Variants in ARMC8 observed in about 807,000 individuals in gnomAD.
The protein encoded by ARMC8 is armadillo repeat-containing protein 8.
Under a neutral mutation model 99.3 loss-of-function variants are expected in ARMC8, and 20 were observed. The observed-to-expected ratio is 0.20, with a 90% CI of 0.14 to 0.29. ARMC8 has a LOEUF of 0.29. Ranked by LOEUF, ARMC8 falls within the 10% of genes least tolerant of loss-of-function variation. The probability of loss-of-function intolerance (pLI) is 1.00; values close to 1 mark genes in which losing one functional copy is unlikely to be tolerated. For missense variants in ARMC8, 569 were observed against 809.5 expected, an observed-to-expected ratio of 0.70 and a Z score of 3.60; for synonymous variants, 263 against 278.3, an observed-to-expected ratio of 0.95 and a Z score of 0.55.
intron 19 of ARMC8, among the ~76,000 whole-genome samples, chr3:138,287,418 G>A (rs1041698750): frequency 6.6e-6 from 1 of 152,036 alleles, no homozygotes; most frequent in Non-Finnish European, 1.5e-5. Flanking sequence ...GATCTGTTTT[G>A]TGCATTCCAC....
intron 1 of ARMC8, among the ~76,000 whole-genome samples, chr3:138,191,154 T>G (rs1243666178): frequency 6.6e-6 from 1 of 152,216 alleles, no homozygotes; most frequent in African/African-American, 2.4e-5. Context: ...AAGTAACACT[T>G]TGTCTTGCAA....
chr3:138,203,954 A>G (rs2044220741), intron 1 of ARMC8, among the ~76,000 whole-genome samples: 1 of 152,206 alleles, frequency 6.6e-6, no homozygotes, highest in African/African-American at 2.4e-5. Context: ...AGCCTCAGTA[A>G]GCCCCTTATT....
intron 1 of ARMC8, among the ~76,000 whole-genome samples, chr3:138,197,895 A>G (rs1047278813): frequency 2.6e-5 from 4 of 152,244 alleles, no homozygotes; most frequent in African/African-American, 9.6e-5. Flanking sequence ...TATGATTTAT[A>G]CCATATTTTA....
intron 1 of ARMC8, among the ~76,000 whole-genome samples, chr3:138,197,267 C>G (rs1369294495): frequency 6.6e-6 from 1 of 152,194 alleles, no homozygotes; most frequent in Non-Finnish European, 1.5e-5. Context: ...CCAGCTGCTG[C>G]AAATGATGGG....
chr3:138,240,338 T>C (rs1477703935), intron 10 of ARMC8, among the ~76,000 whole-genome samples: 1 of 152,152 alleles, frequency 6.6e-6, no homozygotes, highest in Non-Finnish European at 1.5e-5. Context: ...AAGACTAATA[T>C]TTGCTTTAGT....
chr3:138,187,596 T>C lies in ARMC8; in HGVS notation c.42T>C (p.Leu14=). 1 of 1,535,542 alleles carries C rather than the reference T, an allele frequency of 6.5e-7. No homozygotes were observed. Among genetic ancestry groups the C allele is most frequent in the Non-Finnish European group, 8.7e-7 (1 of 1,146,498 alleles). ...LLETPIRMSV[L]SEVTASSRHY... is the part of the protein sequence containing the mutation. ...AGACCCCAATCCGCATGAGCGTCCTTTCGGTGAGTGACCCGCCGCGGCCGC... is the reference window on the plus strand; with the variant it reads ...AGACCCCAATCCGCATGAGCGTCCTCTCGGTGAGTGACCCGCCGCGGCCGC... The change falls in exon 1 of 22, where the codon CTT becomes CTC. Residue 14 remains leucine (L), a synonymous_variant. Coordinates refer to ENST00000469044, the MANE Select transcript of ARMC8 (RefSeq NM_001363941.2).
chr3:138,225,572 GTA>G (rs1289713844), intron 5 of ARMC8, among the ~76,000 whole-genome samples: 2 of 152,148 alleles, frequency 1.3e-5, no homozygotes, highest in African/African-American at 4.8e-5. Flanking sequence ...GTCAGTTTGT[GTA>G]TGTGTGTGTA....
chr3:138,197,534 T>C (rs891640572), intron 1 of ARMC8, among the ~76,000 whole-genome samples: 1 of 152,192 alleles, frequency 6.6e-6, no homozygotes, highest in East Asian at 1.9e-4. Context: ...CACTTTGTTA[T>C]GTGAGGATTG....
In ARMC8 at chr3:138,296,541, TAAAA is replaced by T. The variant is rs745323959; in HGVS notation, c.*655_*658del. On this transcript the variant is annotated 3_prime_UTR_variant, in exon 22 of 22. Coordinates refer to ENST00000469044, the MANE Select transcript of ARMC8 (RefSeq NM_001363941.2). ...TCAACTTACATAGATTTTCTTTATA[TAAAA>T]AAAAAGAAAAAAAAAGAAAAAGTTG... is the stretch of plus-strand genomic sequence containing the variant. 1.3e-5 allele frequency: 2 copies of T among 149,454 alleles called. No individual in the cohort carries two copies. Among genetic ancestry groups the T allele is most frequent in the Admixed American group, 1.3e-4 (2 of 15,052 alleles). The allele number at this position is 149,454 out of a possible 1,614,324, so 9.3% of individuals were successfully genotyped here.
chr3:138,209,896 AAGT>A lies in ARMC8; in HGVS notation c.122+8_122+10del. On this transcript the variant is annotated splice_donor_5th_base_variant and intron_variant, in intron 2 of 21. Transcript: ENST00000469044. Reference sequence around the variant, plus strand: ...CAGAAAGTTCTACAAGGTGTCATGTAAGTAGTATGTATTTAAGAGTCTATCAAA... The same window carrying A: ...CAGAAAGTTCTACAAGGTGTCATGTAAGTATGTATTTAAGAGTCTATCAAA... The A allele has an allele frequency of 6.2e-7, 1 of 1,610,168 alleles. No homozygotes were observed. Among genetic ancestry groups the A allele is most frequent in the Non-Finnish European group, 8.5e-7 (1 of 1,176,534 alleles).
intron 2 of ARMC8, among the ~76,000 whole-genome samples, chr3:138,219,726 C>T (rs77280479): frequency 0.022 from 3,407 of 152,222 alleles, 136 homozygotes; most frequent in African/African-American, 0.078. Flanking sequence ...AAAGCCAAAG[C>T]GAGAATCTTT....
At chr3:138,246,282 C>T (rs1310140748) in intron 12 of ARMC8, 1 of 985,638 alleles carries the variant, frequency 1.0e-6, no homozygotes, top group Admixed American at 6.1e-5. Flanking sequence ...ATGTACCTCA[C>T]TTTATTTCAG....
chr3:138,245,015 C>T, intron 11 of ARMC8, 73 bp from the exon 12 acceptor site: 8 of 1,515,620 alleles, frequency 5.3e-6, no homozygotes, highest in Non-Finnish European at 6.2e-6. Flanking sequence ...CTTTTTTTTT[C>T]TTCAACTCAG....
In ARMC8 at chr3:138,242,115, CAT is replaced by C. The variant is rs1173463340; in HGVS notation, c.1038+134_1038+135del. On this transcript the variant is annotated intron_variant, in intron 11 of 21. Coordinates refer to ENST00000469044, the MANE Select transcript of ARMC8 (RefSeq NM_001363941.2). The stretch of plus-strand genomic sequence containing the variant: ...ATAAAGGTTCTTTTATCTTTGGTAA[CAT>C]AGATAATATTGCTTTGTGAATTTTT... 8.5e-6 allele frequency: 6 copies of C among 705,946 alleles called. No individual in the cohort carries two copies. The Admixed American group carries it at 8.7e-5, about 10-fold the overall frequency. 43.7% of individuals were successfully genotyped at this position (705,946 alleles called of 1,614,324 possible). A position where few individuals can be genotyped will look rare whatever the true frequency, so the allele number is the denominator to read the frequency against.
intron 1 of ARMC8, among the ~76,000 whole-genome samples, chr3:138,207,987 T>C (rs575148699): frequency 1.3e-5 from 2 of 152,298 alleles, no homozygotes; most frequent in African/African-American, 2.4e-5. Flanking sequence ...TTGAGCTGGA[T>C]GTAGTGGCAC....
chr3:138,263,490 A>G, intron 12 of ARMC8: 2 of 504,512 alleles, frequency 4.0e-6, no homozygotes, highest in Non-Finnish European at 7.2e-6. Flanking sequence ...TTTGTGTTAA[A>G]TGTCTTTAAA....
In ARMC8 at chr3:138,284,611, A is replaced by T. The variant is rs867817643; in HGVS notation, c.1821+85A>T. On this transcript the variant is annotated intron_variant, in intron 19 of 21. Transcript: ENST00000469044. ...TCAAAATAAATTGTGCAGAGATTTT[A>T]AAAAGAGGAAAAGAATAGATTACTC... The T allele has an allele frequency of 3.3e-5, 33 of 996,838 alleles. No homozygotes were observed. In the Middle Eastern group the frequency reaches 1.1e-3, roughly 32 times the overall value. 61.7% of individuals were successfully genotyped at this position (996,838 alleles called of 1,614,324 possible).
chr3:138,246,532 C>T, intron 12 of ARMC8: 1 of 985,520 alleles, frequency 1.0e-6, no homozygotes, highest in African/African-American at 1.7e-5. Context: ...AACTTAAATA[C>T]ACAATTATTT....
chr3:138,228,713 G>A (rs551506634), intron 5 of ARMC8: 62 of 543,138 alleles, frequency 1.1e-4, no homozygotes, highest in African/African-American at 9.5e-4. Flanking sequence ...TGCTACCAGG[G>A]ATGAATATTG....
Sources: gnomAD v4.1 joint callset for allele counts (sites outside exome capture counted in the v4.1 genomes callset) on GRCh38, gnomAD v4.1.1 for gene constraint, MANE v1.5 for transcripts, NCBI Gene and HGNC (gene_info 2026-07-23, HGNC 2026-07-21) for gene names.